DHX35: variants seen among roughly 807,000 people sequenced by gnomAD.
DHX35 encodes probable ATP-dependent RNA helicase DHX35.
Under a neutral mutation model 99.6 loss-of-function variants are expected in DHX35, and 84 were observed. The ratio of observed to expected loss-of-function variants is 0.84; its 90% CI spans 0.71 to 1.01. The LOEUF (loss-of-function observed/expected upper bound fraction) is 1.01. DHX35 is among the 50% of genes least tolerant of loss of function. DHX35 has a pLI of 0.00. For synonymous variants in DHX35, 331 were observed against 316.2 expected (o/e 1.05, Z -0.50); for missense variants, 852 against 888.5 (o/e 0.96, Z 0.52).
At chr20:39,004,471 G>A (rs1268898105) in intron 11 of DHX35, among the ~76,000 whole-genome samples, 1 of 152,136 alleles carries the variant, frequency 6.6e-6, no homozygotes, top group Non-Finnish European at 1.5e-5. Flanking sequence ...TATTTCCCAC[G>A]ACACATGCTT....
At chr20:38,987,275 T>C (rs939643051) in intron 4 of DHX35, among the ~76,000 whole-genome samples, 2 of 152,210 alleles carry the variant, frequency 1.3e-5, no homozygotes, top group Non-Finnish European at 2.9e-5. Context: ...ACAGTCTCTT[T>C]GTCACCGAGG....
At chr20:38,977,353 G>C (rs372913282) in intron 3 of DHX35, among the ~76,000 whole-genome samples, 28 of 152,136 alleles carry the variant, frequency 1.8e-4, no homozygotes, top group African/African-American at 6.7e-4. Flanking sequence ...TAGTGATGTT[G>C]AGCATTATTT....
chr20:38,989,405 G>A (rs930266240), intron 5 of DHX35, among the ~76,000 whole-genome samples: 3 of 151,272 alleles, frequency 2.0e-5, no homozygotes, highest in Admixed American at 1.3e-4. Context: ...GAGCCACTGT[G>A]CCCGGCCGAC....
intron 21 of DHX35, among the ~76,000 whole-genome samples, chr20:39,036,156 A>G (rs2087147207): frequency 6.6e-6 from 1 of 152,242 alleles, no homozygotes; most frequent in Admixed American, 6.5e-5. Context: ...AGACAGCCAG[A>G]GAAGGATAAG....
rs200300870 is a variant in DHX35 at position 38,994,643 on chromosome 20, CT to C, written c.583-175del. On this transcript the variant is annotated intron_variant, in intron 7 of 21. Coordinates refer to ENST00000252011, the MANE Select transcript of DHX35 (RefSeq NM_021931.4). ...TAATAGTGTAATGACCCCCCCCCCC[CT>C]TTATTGACAATTATTAATTTGTAGT... Among the ~76,000 whole-genome samples, 568 of 115,762 alleles carry C rather than the reference CT, an allele frequency of 4.9e-3. 16 individuals are homozygous for C. Among genetic ancestry groups the C allele is most frequent in the African/African-American group, 0.016 (497 of 30,268 alleles). The allele number at this position is 115,762 out of a possible 152,430, so 75.9% of individuals were successfully genotyped here.
chr20:38,992,499 T>C, intron 7 of DHX35, 74 bp downstream of exon 7: 1 of 1,415,464 alleles, frequency 7.1e-7, no homozygotes, highest in South Asian at 1.2e-5. Context: ...CTGTAGCAAC[T>C]TGGAAAGTAC....
chr20:38,979,345 G>A (rs1014302067), intron 3 of DHX35, among the ~76,000 whole-genome samples: 4 of 152,098 alleles, frequency 2.6e-5, no homozygotes, highest in African/African-American at 7.2e-5. Flanking sequence ...TTATGGGGTT[G>A]CTGGCTCAAA....
At chr20:38,972,004 G>GTTTTTTTTTTTTTTTTTTTTT (rs752049458) in intron 2 of DHX35, among the ~76,000 whole-genome samples, 2 of 81,042 alleles carry the variant, frequency 2.5e-5, no homozygotes, top group Non-Finnish European at 2.3e-5. Context: ...GTTTTGTTTT[G>GTTTTTTTTTTTTTTTTTTTTT]TTTTTTTTTT....
chr20:39,005,434 T>A (rs540156375), intron 11 of DHX35, among the ~76,000 whole-genome samples: 3 of 152,324 alleles, frequency 2.0e-5, no homozygotes, highest in East Asian at 3.9e-4. Flanking sequence ...GTTACTCAGG[T>A]CTCTGCTCAA....
chr20:38,995,464 C>G (rs1351318687), intron 8 of DHX35, among the ~76,000 whole-genome samples: 1 of 151,380 alleles, frequency 6.6e-6, no homozygotes, highest in African/African-American at 2.4e-5. Flanking sequence ...GCAGAGGTTG[C>G]AGTGAGCTGA....
At chr20:38,997,377 A>G (rs764592659) in intron 8 of DHX35, among the ~76,000 whole-genome samples, 6 of 152,032 alleles carry the variant, frequency 3.9e-5, no homozygotes, top group East Asian at 1.9e-4. Context: ...GGCCAGATTC[A>G]TTGTTAATTA....
At chr20:39,036,725 C>A (rs1600464738) in intron 21 of DHX35, among the ~76,000 whole-genome samples, 1 of 117,168 alleles carries the variant, frequency 8.5e-6, no homozygotes, top group East Asian at 2.6e-4. Flanking sequence ...GACTGTCCCC[C>A]CAAAAAAAAA....
intron 19 of DHX35, chr20:39,029,980 CTTT>C (rs998747126): frequency 3.6e-5 from 5 of 138,024 alleles, no homozygotes; most frequent in Non-Finnish European, 4.8e-5. Flanking sequence ...CAGTATTGAG[CTTT>C]TTTTTTTTTT....
intron 4 of DHX35, among the ~76,000 whole-genome samples, chr20:38,984,287 A>T (rs1239715846): frequency 6.6e-6 from 1 of 152,204 alleles, no homozygotes; most frequent in Non-Finnish European, 1.5e-5. Context: ...GTTTTAAACA[A>T]TAAAGTGCTG....
chr20:38,962,719 C>G, intron 1 of DHX35: 3 of 388,058 alleles, frequency 7.7e-6, no homozygotes, highest in East Asian at 4.9e-5. Context: ...AAAGCTCCCT[C>G]TCGTGTCTCG....
chr20:39,006,076 G>C, intron 11 of DHX35, 70 bp from the exon 12 acceptor site: 1 of 1,526,956 alleles, frequency 6.5e-7, no homozygotes, highest in South Asian at 1.2e-5. Flanking sequence ...AATCTTTTAG[G>C]ATTTTTACGA....
At chr20:39,000,989 G>A (rs781036573) in intron 8 of DHX35, among the ~76,000 whole-genome samples, 6 of 152,106 alleles carry the variant, frequency 3.9e-5, no homozygotes, top group Non-Finnish European at 5.9e-5. Flanking sequence ...CTTTGGTGGC[G>A]TTTCCTTCCC....
chr20:39,011,663 T>C (rs1363218394), intron 13 of DHX35, among the ~76,000 whole-genome samples: 1 of 152,250 alleles, frequency 6.6e-6, no homozygotes, highest in Non-Finnish European at 1.5e-5. Flanking sequence ...CTTGCCCTTA[T>C]GAAGTACTTC....
intron 1 of DHX35, among the ~76,000 whole-genome samples, chr20:38,965,441 CTAAG>C (rs950715568): frequency 6.6e-6 from 1 of 152,172 alleles, no homozygotes; most frequent in Non-Finnish European, 1.5e-5. Flanking sequence ...TTCAGACAGT[CTAAG>C]TGAGTGAAGT....
Sources: allele counts gnomAD v4.1 joint callset (sites outside exome capture counted in the v4.1 genomes callset), GRCh38; gene constraint gnomAD v4.1.1; transcripts MANE v1.5; gene names NCBI Gene and HGNC (gene_info 2026-07-23, HGNC 2026-07-21).